MLLT10: variants seen among roughly 807,000 people sequenced by gnomAD.
MLLT10 encodes the protein protein AF-10.
Under a neutral mutation model 129.1 loss-of-function variants are expected in MLLT10, and 30 were observed. That is an observed-to-expected ratio of 0.23 (90% confidence interval 0.17 to 0.32). The LOEUF is 0.32. Ranked by LOEUF, MLLT10 falls within the 10% of genes least tolerant of loss-of-function variation. The probability of loss-of-function intolerance (pLI) is 1.00; values close to 1 mark genes in which losing one functional copy is unlikely to be tolerated. For synonymous variants in MLLT10, 490 were observed against 446.4 expected, an observed-to-expected ratio of 1.10 and a Z score of -1.23; for missense variants, 1,119 against 1,268.3, an observed-to-expected ratio of 0.88 and a Z score of 1.79.
chr10:21,737,460 T>C (rs936139455), intron 21 of MLLT10, among the ~76,000 whole-genome samples: 5 of 151,988 alleles, frequency 3.3e-5, no homozygotes, highest in African/African-American at 1.2e-4. Flanking sequence ...AGAAGAAAGG[T>C]GCTAGCAGAG....
intron 3 of MLLT10, among the ~76,000 whole-genome samples, chr10:21,573,062 A>G (rs1424579073): frequency 6.6e-6 from 1 of 152,158 alleles, no homozygotes. Flanking sequence ...AACCTTACTT[A>G]AGTCATATTA....
intron 3 of MLLT10, among the ~76,000 whole-genome samples, chr10:21,563,943 G>A (rs1392287017): frequency 1.3e-5 from 2 of 151,938 alleles, no homozygotes; most frequent in African/African-American, 4.8e-5. Context: ...CTCCCGAGTA[G>A]CTGGGACTAC....
chr10:21,712,203 C>T (rs368973100), intron 13 of MLLT10, among the ~76,000 whole-genome samples: 16 of 150,242 alleles, frequency 1.1e-4, no homozygotes, highest in African/African-American at 3.2e-4. Context: ...TCAATAACTT[C>T]ATTTATTTAT....
Position 21,534,806 on chromosome 10 carries a change from T to C in MLLT10, c.160+2T>C. Reference sequence around the variant, plus strand: ...GCTGCAGCGTCGCGGTGCATCAAGGTAAACACCCAACCGCCCGCCGGGGCG... The same window carrying C: ...GCTGCAGCGTCGCGGTGCATCAAGGCAAACACCCAACCGCCCGCCGGGGCG... On this transcript the variant is annotated splice_donor_variant, in intron 2 of 22. Transcript: ENST00000307729. LOFTEE classifies it high-confidence loss of function. 1 of 1,596,242 alleles carries C rather than the reference T, an allele frequency of 6.3e-7. No homozygotes were observed. The highest frequency in any genetic ancestry group is 8.5e-7 in the Non-Finnish European group (1 of 1,171,368).
At chr10:21,730,003 C>T (rs1231605946) in intron 16 of MLLT10, among the ~76,000 whole-genome samples, 1 of 151,978 alleles carries the variant, frequency 6.6e-6, no homozygotes, top group Non-Finnish European at 1.5e-5. Context: ...GTGGCTCATG[C>T]CTATAATCCC....
At chr10:21,679,034 A>AT (rs950465482) in intron 11 of MLLT10, among the ~76,000 whole-genome samples, 38 of 152,178 alleles carry the variant, frequency 2.5e-4, no homozygotes, top group Non-Finnish European at 1.6e-4. Flanking sequence ...AGCAGAGTAC[A>AT]TTTTTTCTGG....
Position 21,740,144 on chromosome 10 carries a change from C to T in MLLT10, c.3070C>T (p.Leu1024Phe). 3 of 1,614,166 alleles carry T rather than the reference C, an allele frequency of 1.9e-6. No individual in the cohort carries two copies. The highest frequency in any genetic ancestry group is 1.3e-5 in the African/African-American group (1 of 75,032). The stretch of plus-strand genomic sequence containing the variant: ...ACCAACACAAATACCCATAAACAAC[C>T]TTCTTGCAGGTACACAGGCACCCCC... The part of the protein sequence containing the change: ...PGPTQIPINN[L>F]LAGTQAPPLH... Residue 1024 changes from leucine to phenylalanine, a missense_variant, in exon 22 of 23, where the codon CTT becomes TTT. By Grantham distance (22) the Leu-to-Phe change is conservative (BLOSUM62 0). Transcript: ENST00000307729.
chr10:21,633,367 T>C (rs773198486), intron 8 of MLLT10, among the ~76,000 whole-genome samples: 15 of 152,340 alleles, frequency 9.8e-5, no homozygotes, highest in Non-Finnish European at 1.8e-4. Context: ...CAAAGATGTT[T>C]TTAATATAAG....
At chr10:21,599,433 C>T (rs554762599) in intron 5 of MLLT10, among the ~76,000 whole-genome samples, 1 of 152,266 alleles carries the variant, frequency 6.6e-6, no homozygotes, top group Non-Finnish European at 1.5e-5. Context: ...CTGTATCCAT[C>T]TCTATATATT....
chr10:21,648,099 A>T (rs1406438497), intron 8 of MLLT10, among the ~76,000 whole-genome samples: 1 of 152,080 alleles, frequency 6.6e-6, no homozygotes, highest in African/African-American at 2.4e-5. Context: ...TCTGATTTGG[A>T]ACCTCCTCTT....
At chr10:21,551,280 G>A (rs1445568129) in intron 3 of MLLT10, among the ~76,000 whole-genome samples, 4 of 144,508 alleles carry the variant, frequency 2.8e-5, no homozygotes, top group Non-Finnish European at 4.5e-5. Flanking sequence ...AAAAGTACTC[G>A]GATTGTACCT....
chr10:21,644,697 A>T (rs560109369), intron 8 of MLLT10, among the ~76,000 whole-genome samples: 10 of 152,248 alleles, frequency 6.6e-5, no homozygotes, highest in African/African-American at 2.4e-4. Context: ...GCTGGAGTGC[A>T]GTGGCATGAT....
At chr10:21,683,094 C>T (rs958198821) in intron 13 of MLLT10, among the ~76,000 whole-genome samples, 3 of 151,996 alleles carry the variant, frequency 2.0e-5, no homozygotes, top group African/African-American at 2.4e-5. Flanking sequence ...AATTTGCAGT[C>T]GATTTGTGTT....
chr10:21,625,509 T>C, intron 8 of MLLT10: 1 of 925,534 alleles, frequency 1.1e-6, no homozygotes, highest in East Asian at 2.4e-5. Flanking sequence ...CATTTCCCCA[T>C]ACTTTTACTT....
intron 8 of MLLT10, among the ~76,000 whole-genome samples, chr10:21,643,516 A>G (rs1415670575): frequency 5.9e-5 from 9 of 152,164 alleles, no homozygotes; most frequent in Admixed American, 5.9e-4. Context: ...GCTGAATTTT[A>G]TTCACTTTTT....
At chr10:21,603,157 A>G (rs1456425587) in intron 5 of MLLT10, among the ~76,000 whole-genome samples, 2 of 149,800 alleles carry the variant, frequency 1.3e-5, no homozygotes, top group African/African-American at 4.9e-5. Context: ...AGTTCAAGCC[A>G]TTCTCCTGTC....
chr10:21,657,615 TAAATAGCTC>T (rs2049743631), intron 9 of MLLT10, among the ~76,000 whole-genome samples: 1 of 152,166 alleles, frequency 6.6e-6, no homozygotes, highest in Non-Finnish European at 1.5e-5. Flanking sequence ...AGCGTCATTA[TAAATAGCTC>T]ACAATTTTTA....
intron 3 of MLLT10, among the ~76,000 whole-genome samples, chr10:21,559,767 A>G (rs1250619028): frequency 6.6e-6 from 1 of 152,204 alleles, no homozygotes; most frequent in Non-Finnish European, 1.5e-5. Context: ...ATGTTGTAGC[A>G]TGTACCAGAA....
chr10:21,703,287 G>GT (rs939075575), intron 13 of MLLT10, among the ~76,000 whole-genome samples: 205 of 145,148 alleles, frequency 1.4e-3, no homozygotes, highest in South Asian at 2.2e-3. Flanking sequence ...TTGGCTGAAA[G>GT]TTTTTTTTTT....
Sources: gnomAD v4.1 joint callset for allele counts (sites outside exome capture counted in the v4.1 genomes callset) on GRCh38, gnomAD v4.1.1 for gene constraint, MANE v1.5 for transcripts, NCBI Gene and HGNC (gene_info 2026-07-23, HGNC 2026-07-21) for gene names.